The following MAFK variants were observed in gnomAD, a reference collection of about 807,000 sequenced individuals.
MAFK encodes transcription factor MafK.
Under a neutral mutation model 9.2 loss-of-function variants are expected in MAFK, and 1 was observed. The observed-to-expected ratio is 0.11, with a 90% CI of 0.04 to 0.52. MAFK has a LOEUF of 0.52. MAFK is among the 20% of genes least tolerant of loss of function. The pLI, the probability that MAFK is intolerant of heterozygous loss-of-function variation, is 0.94. For missense variants in MAFK, 207 were observed against 236.0 expected (o/e 0.88, Z 0.81); for synonymous variants, 110 against 107.4 (o/e 1.02, Z -0.15).
Position 1,532,057 on chromosome 7 carries a change from G to A in MAFK, c.-45+1159G>A, listed in dbSNP as rs113747377. ...CCTGAGACTCAAAACGCCCCCCACC[G>A]CCCCCCATCGTGGTCTAGGGGATAT... On this transcript the variant is annotated intron_variant, in intron 1 of 2. Transcript: ENST00000343242. The surrounding 1 kb of genome is among the most constrained non-coding windows in gnomAD (Gnocchi z 4.5). Among the ~76,000 whole-genome samples the A allele has an allele frequency of 0.01, 1,524 of 152,238 alleles. 19 individuals are homozygous for A. The highest frequency in any genetic ancestry group is 0.031 in the African/African-American group (1,277 of 41,540).
intron 1 of MAFK, among the ~76,000 whole-genome samples, chr7:1,533,491 T>G (rs965931700): frequency 5.9e-5 from 9 of 152,148 alleles, no homozygotes; most frequent in Non-Finnish European, 1.3e-4. Context: ...GGGAACCACG[T>G]GCTCTCTGCA....
intron 1 of MAFK, among the ~76,000 whole-genome samples, chr7:1,536,571 A>G (rs539128843): frequency 6.6e-6 from 1 of 152,324 alleles, no homozygotes; most frequent in South Asian, 2.1e-4. Context: ...CGGACAGTTC[A>G]CAAAACCCCA....
chr7:1,539,026 T>C, intron 1 of MAFK, 123 bp from the exon 2 acceptor site: 8 of 759,990 alleles, frequency 1.1e-5, no homozygotes, highest in Non-Finnish European at 1.8e-5. Context: ...CCCCGTCTTG[T>C]TTTCATGGTG....
intron 1 of MAFK, among the ~76,000 whole-genome samples, chr7:1,533,636 G>A (rs1157012830): frequency 6.6e-6 from 1 of 152,176 alleles, no homozygotes; most frequent in East Asian, 1.9e-4. Context: ...ATTTGGCAAA[G>A]CTGTGGTCCA....
chr7:1,538,540 G>C lies in MAFK; in HGVS notation c.-44-609G>C, dbSNP rs959166715. On this transcript the variant is annotated intron_variant, in intron 1 of 2. Coordinates refer to ENST00000343242, the MANE Select transcript of MAFK (RefSeq NM_002360.4). ...CAGGCCCACCGTGGGGGATGGCGAT[G>C]TCAGGGGCTCCCCAGAGGCCCCCTC... is the stretch of plus-strand genomic sequence containing the variant. The C allele has an allele frequency of 1.2e-5, 8 of 642,034 alleles. No individual in the cohort carries two copies. The African/African-American group carries it at 1.4e-4, about 11-fold the overall frequency. 39.8% of individuals were successfully genotyped at this position (642,034 alleles called of 1,614,324 possible). A position where few individuals can be genotyped will look rare whatever the true frequency, so the allele number is the denominator to read the frequency against.
intron 1 of MAFK, among the ~76,000 whole-genome samples, chr7:1,536,866 C>T (rs140046128): frequency 3.9e-4 from 60 of 152,320 alleles, no homozygotes; most frequent in African/African-American, 1.2e-3. Context: ...CAGGCTTCCT[C>T]GGCAGAGCAG....
Position 1,540,447 on chromosome 7 carries a change from G to A in MAFK, c.*72G>A, listed in dbSNP as rs1784151140. On this transcript the variant is annotated 3_prime_UTR_variant, in exon 3 of 3. Coordinates refer to ENST00000343242, the MANE Select transcript of MAFK (RefSeq NM_002360.4). ...GGGTGGGGGCACACCCCTCGTACCT[G>A]TCACTGGGATGCAGACTCTCGACAT... is the stretch of plus-strand genomic sequence containing the variant. The A allele has an allele frequency of 4.6e-6, 6 of 1,308,944 alleles. No homozygotes were observed. The South Asian group carries it at 6.1e-5, about 13-fold the overall frequency. 81.1% of individuals were successfully genotyped at this position (1,308,944 alleles called of 1,614,324 possible). A position where few individuals can be genotyped will look rare whatever the true frequency, so the allele number is the denominator to read the frequency against.
chr7:1,532,229 G>C lies in MAFK; in HGVS notation c.-45+1331G>C, dbSNP rs1783922770. Among the ~76,000 whole-genome samples the C allele has an allele frequency of 6.6e-6, 1 of 152,218 alleles. No homozygotes were observed. The highest frequency in any genetic ancestry group is 2.4e-5 in the African/African-American group (1 of 41,456). On this transcript the variant is annotated intron_variant, in intron 1 of 2. Transcript: ENST00000343242. The surrounding 1 kb of genome is among the most constrained non-coding windows in gnomAD (Gnocchi z 4.5). ...AACACAGAGTGGGGTGCCCTATGCA[G>C]CTTCTCCAAACCCAATGTCTTCAGG... is the stretch of plus-strand genomic sequence containing the variant.
intron 1 of MAFK, among the ~76,000 whole-genome samples, chr7:1,531,742 GAGAAACCC>G (rs1324109969): frequency 6.6e-6 from 1 of 152,136 alleles, no homozygotes; most frequent in East Asian, 1.9e-4. Context: ...AGGCGCCACC[GAGAAACCC>G]AGAAAGCCAG....
intron 1 of MAFK, chr7:1,537,738 G>A (rs530615743): frequency 9.0e-5 from 88 of 982,680 alleles, no homozygotes; most frequent in Non-Finnish European, 1.0e-4. Flanking sequence ...TGGGTTGCGG[G>A]GGTGGGGCCC....
In MAFK at chr7:1,540,261, C is replaced by T; in HGVS notation, c.357C>T (p.Arg119=). The T allele has an allele frequency of 3.1e-6, 5 of 1,610,866 alleles. No homozygotes were observed. Among genetic ancestry groups the T allele is most frequent in the Non-Finnish European group, 4.2e-6 (5 of 1,179,118 alleles). ...ACGAGGCGCTGCAGACCTTCGCGCG[C>T]ACCGTGGCCCGGGGACCTGTGGCGC... is the stretch of plus-strand genomic sequence containing the variant. The part of the protein sequence containing the change: ...SKYEALQTFA[R]TVARGPVAPS... Residue 119 remains arginine, a synonymous_variant, in exon 3 of 3, where the codon CGC becomes CGT. Transcript: ENST00000343242.
intron 1 of MAFK, among the ~76,000 whole-genome samples, chr7:1,531,141 G>T (rs1783894832): frequency 6.7e-6 from 1 of 149,130 alleles, no homozygotes; most frequent in South Asian, 2.1e-4. Context: ...TCCCCTGCAC[G>T]TGCCGCCCGG....
Position 1,540,060 on chromosome 7 carries a change from G to A in MAFK, c.156G>A (p.Leu52=). ...TCACCAAGGAGGAGGTGACCCGCCT[G>A]AAGCAGCGTCGGCGCACACTCAAGA... ...RGLTKEEVTR[L]KQRRRTLKNR... The change falls in exon 3 of 3, where the codon CTG becomes CTA. Residue 52 remains leucine, a synonymous_variant. Coordinates refer to ENST00000343242, the MANE Select transcript of MAFK (RefSeq NM_002360.4). 1 of 1,559,720 alleles carries A rather than the reference G, an allele frequency of 6.4e-7. No homozygotes were observed. Among genetic ancestry groups the A allele is most frequent in the Non-Finnish European group, 8.7e-7 (1 of 1,151,856 alleles).
At chr7:1,537,516 C>T in intron 1 of MAFK, 1 of 985,518 alleles carries the variant, frequency 1.0e-6, no homozygotes, top group Non-Finnish European at 1.2e-6. Context: ...GCGGAGGCAG[C>T]TGGGCCCCAG....
In MAFK at chr7:1,539,618, A is replaced by G. The variant is rs1019240379; in HGVS notation, c.37-323A>G. 5.3e-5 allele frequency among the ~76,000 whole-genome samples: 8 copies of G among 152,218 alleles called. No individual in the cohort carries two copies. The South Asian group carries it at 6.2e-4, about 12-fold the overall frequency. On this transcript the variant is annotated intron_variant, in intron 2 of 2. Coordinates refer to ENST00000343242, the MANE Select transcript of MAFK (RefSeq NM_002360.4). ...GTGCCTGGCGCTTGCCGCCTCCACA[A>G]TGGCGTGTGCCTGTGGGCCGGCTCA...
chr7:1,540,417 C>CA lies in MAFK; in HGVS notation c.*43dup. ...GGGGTGGCGGGCGGCGGGCGGCGGG[C>CA]AGGCGGGTGGGGGCACACCCCTCGT... On this transcript the variant is annotated 3_prime_UTR_variant, in exon 3 of 3. Transcript: ENST00000343242. 1.3e-6 allele frequency: 1 copy of CA among 741,506 alleles called. No homozygotes were observed. Among genetic ancestry groups the CA allele is most frequent in the Non-Finnish European group, 2.0e-6 (1 of 490,918 alleles). The allele number at this position is 741,506 out of a possible 1,614,324, so 45.9% of individuals were successfully genotyped here. A position where few individuals can be genotyped will look rare whatever the true frequency, so the allele number is the denominator to read the frequency against.
intron 1 of MAFK, chr7:1,538,153 C>A (rs916442799): frequency 3.8e-6 from 2 of 523,042 alleles, no homozygotes; most frequent in Non-Finnish European, 4.9e-6. Flanking sequence ...GGCTCGGTCC[C>A]AAGGTCGCCA....
rs1332156855 is a variant in MAFK, at chr7:1,540,350, C to G, written c.446C>G (p.Ser149Cys). 6.3e-7 allele frequency: 1 copy of G among 1,584,248 alleles called. No homozygotes were observed. Among genetic ancestry groups the G allele is most frequent in the East Asian group, 2.3e-5 (1 of 43,208 alleles). Residue 149 changes from serine to cysteine, a missense_variant, in exon 3 of 3, where the codon TCC (serine) becomes TGC (cysteine). By Grantham distance (112) the Ser-to-Cys change is moderately radical. Transcript: ENST00000343242. ...AAGTCCACCGAGCTCTCCTCCACCT[C>G]CGTGCCCTTCTCGGCTGCATCCTAG... is the stretch of plus-strand genomic sequence containing the variant. The part of the protein sequence containing the change: ...IVKSTELSST[S>C]VPFSAAS
chr7:1,539,334 C>T (rs542348603), intron 2 of MAFK, 106 bp downstream of exon 2: 364 of 903,626 alleles, frequency 4.0e-4, no homozygotes, highest in Non-Finnish European at 6.0e-4. Flanking sequence ...GTGATGGAGG[C>T]CTCCCTGTTG....
Sources: allele counts gnomAD v4.1 joint callset (sites outside exome capture counted in the v4.1 genomes callset), GRCh38; gene constraint gnomAD v4.1.1; non-coding constraint Gnocchi (gnomAD v3.1); transcripts MANE v1.5; gene names NCBI Gene and HGNC (gene_info 2026-07-23, HGNC 2026-07-21).